CAMK1D: variants seen among roughly 807,000 people sequenced by gnomAD.
CAMK1D encodes the protein calcium/calmodulin dependent protein kinase ID.
Under a neutral mutation model 47.7 loss-of-function variants are expected in CAMK1D, and 9 were observed. The observed-to-expected ratio is 0.19, with a 90% confidence interval of 0.11 to 0.33. The LOEUF is 0.33. Ranked by LOEUF, CAMK1D falls within the 10% of genes least tolerant of loss-of-function variation. CAMK1D has a pLI of 1.00. For missense variants in CAMK1D, 291 were observed against 488.7 expected, an observed-to-expected ratio of 0.60 and a Z score of 3.81; for synonymous variants, 184 against 184.9, an observed-to-expected ratio of 0.99 and a Z score of 0.04.
chr10:12,493,198 T>C (rs2768440), intron 1 of CAMK1D, among the ~76,000 whole-genome samples: 112,738 of 152,126 alleles, frequency 0.74, 42,176 homozygotes, highest in East Asian at 0.97. Flanking sequence ...CTTGCTGGTG[T>C]GTCCTATAAG....
chr10:12,554,145 G>A lies in CAMK1D; in HGVS notation c.224+789G>A, dbSNP rs569369122. On this transcript the variant is annotated intron_variant, in intron 2 of 10. Transcript: ENST00000619168. ...TTCCCTCCCCACTCCCCTCCCCTTTGCTCCCCTCCCCTCTCCTCTCCTTTC... is the reference window on the plus strand; with the variant it reads ...TTCCCTCCCCACTCCCCTCCCCTTTACTCCCCTCCCCTCTCCTCTCCTTTC... Among the ~76,000 whole-genome samples, 8 of 134,714 alleles carry A rather than the reference G, an allele frequency of 5.9e-5. No individual in the cohort carries two copies. In the South Asian group the frequency reaches 1.4e-3, roughly 23 times the overall value. The allele number at this position is 134,714 out of a possible 152,430, so 88.4% of individuals were successfully genotyped here. A position where few individuals can be genotyped will look rare whatever the true frequency, so the allele number is the denominator to read the frequency against.
chr10:12,646,364 A>G, intron 2 of CAMK1D, among the ~76,000 whole-genome samples: 1 of 152,206 alleles, frequency 6.6e-6, no homozygotes, highest in South Asian at 2.1e-4. Context: ...TATTATTATA[A>G]TATTACAGAA....
intron 2 of CAMK1D, among the ~76,000 whole-genome samples, chr10:12,608,386 C>T (rs767905873): frequency 1.3e-5 from 2 of 152,216 alleles, no homozygotes; most frequent in Non-Finnish European, 2.9e-5. Flanking sequence ...CCATTATAAT[C>T]CAGCCTGGGC....
intron 1 of CAMK1D, among the ~76,000 whole-genome samples, chr10:12,370,640 GTC>G (rs544492253): frequency 9.9e-5 from 15 of 152,222 alleles, no homozygotes; most frequent in African/African-American, 3.4e-4. Flanking sequence ...TTGAGGCAGA[GTC>G]TCTAACCCAG....
At chr10:12,550,041 G>A (rs1220461787) in intron 1 of CAMK1D, among the ~76,000 whole-genome samples, 1 of 152,206 alleles carries the variant, frequency 6.6e-6, no homozygotes. Context: ...TTCTGTAGAG[G>A]AAGGAGCACC....
rs1564414542 is a variant in CAMK1D at position 12,563,700 on chromosome 10, G to GAGAGAGAGAGA, written c.224+10344_224+10345insAGAGAGAGAGA. Among the ~76,000 whole-genome samples the GAGAGAGAGAGA allele has an allele frequency of 1.6e-3, 140 of 85,182 alleles. 2 individuals are homozygous for GAGAGAGAGAGA. The highest frequency in any genetic ancestry group is 4.5e-3 in the East Asian group (8 of 1,780). 55.9% of individuals were successfully genotyped at this position (85,182 alleles called of 152,430 possible). A position where few individuals can be genotyped will look rare whatever the true frequency, so the allele number is the denominator to read the frequency against. ...GAGAGAGAGAGAGAGAGAGAGAGAG[G>GAGAGAGAGAGA]GAGAGAGAGGGAGAGAGAGAATGAG... On this transcript the variant is annotated intron_variant, in intron 2 of 10. Transcript: ENST00000619168.
rs1193336378 is a variant in CAMK1D at position 12,828,788 on chromosome 10, C to T, written c.1059C>T (p.Leu353=). ...SQKDCLAPST[L]CSFISSSSGV... The stretch of plus-strand genomic sequence containing the variant: ...CTGCAGGTCTGGCACCTTCCACGCT[C>T]TGTAGTTTCATTTCTTCTTCGTCGG... Residue 353 remains leucine, a synonymous_variant, in exon 11 of 11, where the codon CTC becomes CTT. Coordinates refer to ENST00000619168, the MANE Select transcript of CAMK1D (RefSeq NM_153498.4). The T allele has an allele frequency of 2.5e-6, 4 of 1,613,856 alleles. No individual in the cohort carries two copies. Among genetic ancestry groups the T allele is most frequent in the Non-Finnish European group, 3.4e-6 (4 of 1,179,850 alleles).
chr10:12,601,185 G>GT (rs1564438027), intron 2 of CAMK1D, among the ~76,000 whole-genome samples: 1 of 17,348 alleles, frequency 5.8e-5, no homozygotes, highest in Non-Finnish European at 4.2e-4. Flanking sequence ...TTTTTTTTTT[G>GT]TTTGTTTGTT....
Position 12,778,360 on chromosome 10 carries a change from C to T in CAMK1D, c.565+8561C>T, listed in dbSNP as rs953312194. Among the ~76,000 whole-genome samples the T allele has an allele frequency of 4.5e-4, 68 of 152,154 alleles. 4 individuals carry two copies. Among genetic ancestry groups the T allele is most frequent in the African/African-American group, 2.4e-5 (1 of 41,446 alleles). ...TGGAACTTCACCCTTTTACATGTGG[C>T]GGCTGCCTGGATTGTACACACCCTT... On this transcript the variant is annotated intron_variant, in intron 5 of 10. Coordinates refer to ENST00000619168, the MANE Select transcript of CAMK1D (RefSeq NM_153498.4).
intron 5 of CAMK1D, among the ~76,000 whole-genome samples, chr10:12,786,614 A>G (rs1276463896): frequency 2.0e-5 from 3 of 152,176 alleles, no homozygotes; most frequent in Non-Finnish European, 4.4e-5. Flanking sequence ...GCTGGAGTGC[A>G]ATGGTGCAGT....
chr10:12,759,554 G>T (rs1025984258), intron 3 of CAMK1D, among the ~76,000 whole-genome samples: 25 of 152,186 alleles, frequency 1.6e-4, no homozygotes, highest in African/African-American at 6.0e-4. Flanking sequence ...CCTAAGCATG[G>T]ATCATTGAGA....
At chr10:12,693,418 A>G (rs1286626879) in intron 3 of CAMK1D, among the ~76,000 whole-genome samples, 1 of 152,086 alleles carries the variant, frequency 6.6e-6, no homozygotes, top group Non-Finnish European at 1.5e-5. Flanking sequence ...TTTGGCCTCC[A>G]GCGTGGGCAA....
At chr10:12,454,032 G>C (rs189593155) in intron 1 of CAMK1D, among the ~76,000 whole-genome samples, 1 of 152,112 alleles carries the variant, frequency 6.6e-6, no homozygotes, top group Admixed American at 6.6e-5. Flanking sequence ...CCCCTGGTTG[G>C]GTCTTGCTGT....
intron 3 of CAMK1D, among the ~76,000 whole-genome samples, chr10:12,744,738 A>C (rs1456809484): frequency 7.2e-6 from 1 of 139,212 alleles, no homozygotes; most frequent in East Asian, 1.9e-4. Flanking sequence ...AAAAATAAAA[A>C]TTAAAAAAAA....
At chr10:12,402,858 A>C (rs1045196619) in intron 1 of CAMK1D, among the ~76,000 whole-genome samples, 2 of 151,948 alleles carry the variant, frequency 1.3e-5, no homozygotes, top group African/African-American at 4.8e-5. Flanking sequence ...GAGGATATAC[A>C]CAGGACCAGG....
intron 1 of CAMK1D, among the ~76,000 whole-genome samples, chr10:12,352,668 T>C (rs1194576606): frequency 6.6e-6 from 1 of 151,822 alleles, no homozygotes; most frequent in Non-Finnish European, 1.5e-5. Flanking sequence ...TAGCATAATG[T>C]TATCTAAACT....
At chr10:12,548,175 A>G (rs78083476) in intron 1 of CAMK1D, among the ~76,000 whole-genome samples, 5,250 of 152,202 alleles carry the variant, frequency 0.034, 303 homozygotes, top group African/African-American at 0.12. Context: ...GATGACAGTA[A>G]CTTCTTGTCT....
chr10:12,522,826 C>T lies in CAMK1D; in HGVS notation c.93-30399C>T, dbSNP rs1265958419. Among the ~76,000 whole-genome samples the T allele has an allele frequency of 1.3e-4, 10 of 76,152 alleles. 2 individuals are homozygous for T. Among genetic ancestry groups the T allele is most frequent in the Admixed American group, 3.5e-4 (3 of 8,548 alleles). 50.0% of individuals were successfully genotyped at this position (76,152 alleles called of 152,430 possible). A position where few individuals can be genotyped will look rare whatever the true frequency, so the allele number is the denominator to read the frequency against. On this transcript the variant is annotated intron_variant, in intron 1 of 10. Transcript: ENST00000619168. ...GACGGGGCGGCTGGCCGGGCGGAGG[C>T]GCCCCCCACCTCCCTCCCGGACAGG...
chr10:12,361,545 C>CTT (rs36015215), intron 1 of CAMK1D, among the ~76,000 whole-genome samples: 3 of 63,086 alleles, frequency 4.8e-5, no homozygotes, highest in Non-Finnish European at 5.6e-5. Context: ...GTGCCTGGCC[C>CTT]TTTTTTTTTT....
Sources: gnomAD v4.1 joint callset for allele counts (sites outside exome capture counted in the v4.1 genomes callset) on GRCh38, gnomAD v4.1.1 for gene constraint, MANE v1.5 for transcripts, NCBI Gene and HGNC (gene_info 2026-07-23, HGNC 2026-07-21) for gene names.